Variants in ABCA6 observed in about 807,000 individuals in gnomAD.
ABCA6 encodes the protein ATP-binding cassette sub-family A member 6.
Under a neutral mutation model 191.2 loss-of-function variants are expected in ABCA6, and 164 were observed. That is an observed-to-expected ratio of 0.86 (90% CI 0.76 to 0.98). The LOEUF (loss-of-function observed/expected upper bound fraction) is 0.98. Among genes scored for constraint, ABCA6 ranks in the 50% least tolerant of loss-of-function variants. The pLI, the probability that ABCA6 is intolerant of heterozygous loss-of-function variation, is 0.00. For synonymous variants in ABCA6, 636 were observed against 647.7 expected (o/e 0.98, Z 0.27); for missense variants, 1,958 against 1,894.1 (o/e 1.03, Z -0.63).
rs758285437 is a variant in ABCA6, at chr17:69,140,589, G to A, written c.96+19C>T. ...TGTAAGAGTGCTAACCGTGGAAAGA[G>A]ACAAATTTTTAAACATACCAATAAG... On this transcript the variant is annotated intron_variant, in intron 2 of 38. Transcript: ENST00000284425. 3.9e-6 allele frequency: 6 copies of A among 1,552,112 alleles called. No individual in the cohort carries two copies. The highest frequency in any genetic ancestry group is 3.7e-5 in the Admixed American group (2 of 53,528).
At chr17:69,130,288 G>A (rs543557437) in intron 6 of ABCA6, among the ~76,000 whole-genome samples, 1 of 151,666 alleles carries the variant, frequency 6.6e-6, no homozygotes, top group African/African-American at 2.4e-5. Context: ...CTGCGCTCCA[G>A]TCTGGGTGAC....
intron 2 of ABCA6, 133 bp downstream of exon 2, chr17:69,140,475 C>A (rs556338433): frequency 2.3e-6 from 1 of 440,444 alleles, no homozygotes; most frequent in Non-Finnish European, 3.9e-6. Flanking sequence ...CTCAATTCAA[C>A]AAATACAACT....
chr17:69,106,172 A>C lies in ABCA6; in HGVS notation c.2429T>G (p.Leu810Arg), dbSNP rs1302227132. ...AGAGTGAGCCAGCTCCATTTCATTG[A>C]GGCTTTCTGAGTCTCTTATCATCTC... ...QVEMIRDSES[L>R]NEMELAHSSF... The change falls in exon 19 of 39, where the codon CTC (leucine) becomes CGC (arginine). Residue 810 changes from leucine (L) to arginine (R), a missense_variant. Leu to Arg is a moderately radical substitution (Grantham distance 102). Coordinates refer to ENST00000284425, the MANE Select transcript of ABCA6 (RefSeq NM_080284.3). 7 of 1,613,522 alleles carry C rather than the reference A, an allele frequency of 4.3e-6. No individual in the cohort carries two copies. Among genetic ancestry groups the C allele is most frequent in the Non-Finnish European group, 5.9e-6 (7 of 1,179,726 alleles).
intron 10 of ABCA6, among the ~76,000 whole-genome samples, chr17:69,121,856 T>C (rs532631095): frequency 6.6e-6 from 1 of 152,042 alleles, no homozygotes; most frequent in Non-Finnish European, 1.5e-5. Context: ...CACTTGGCCT[T>C]TCTTGTTTGG....
At chr17:69,119,212 T>A (rs749180564) in intron 10 of ABCA6, among the ~76,000 whole-genome samples, 8 of 152,100 alleles carry the variant, frequency 5.3e-5, no homozygotes, top group South Asian at 2.1e-4. Flanking sequence ...TTAACTGCTC[T>A]AAAACTGCAT....
chr17:69,119,539 C>T (rs1159110458), intron 10 of ABCA6, among the ~76,000 whole-genome samples: 2 of 152,014 alleles, frequency 1.3e-5, no homozygotes, highest in African/African-American at 4.8e-5. Flanking sequence ...TACTCCTCAA[C>T]GTTCCTCATC....
chr17:69,137,743 C>T (rs770493446), intron 2 of ABCA6, among the ~76,000 whole-genome samples: 10 of 152,036 alleles, frequency 6.6e-5, no homozygotes, highest in East Asian at 5.8e-4. Context: ...CTGCAGAAGC[C>T]GTCATAGAAA....
intron 36 of ABCA6, among the ~76,000 whole-genome samples, chr17:69,082,231 T>C (rs1222186967): frequency 6.6e-6 from 1 of 152,104 alleles, no homozygotes; most frequent in Non-Finnish European, 1.5e-5. Context: ...AGCTTTTATG[T>C]CCTATTTTTT....
intron 23 of ABCA6, among the ~76,000 whole-genome samples, chr17:69,097,532 C>G (rs575964428): frequency 1.7e-4 from 26 of 152,098 alleles, no homozygotes; most frequent in African/African-American, 6.3e-4. Flanking sequence ...TGGGCATAAT[C>G]GAATACAAAT....
At chr17:69,140,083 A>G (rs1384030592) in intron 2 of ABCA6, among the ~76,000 whole-genome samples, 2 of 151,970 alleles carry the variant, frequency 1.3e-5, no homozygotes, top group Non-Finnish European at 2.9e-5. Context: ...TGTACCCTAA[A>G]ACTTAAAGTA....
Position 69,114,855 on chromosome 17 carries a change from T to C in ABCA6, c.1689A>G (p.Gln563=). The C allele has an allele frequency of 6.2e-7, 1 of 1,612,800 alleles. No homozygotes were observed. The highest frequency in any genetic ancestry group is 1.1e-5 in the South Asian group (1 of 91,022). ...EIRKITGVCP[Q]FNVQFDILTV... ...TGAGTATGTCAAATTGAACATTGAA[T>C]TGAGGACAGACGCCAGTTATCTTTC... is the stretch of plus-strand genomic sequence containing the variant. The change falls in exon 13 of 39, where the codon CAA becomes CAG. Residue 563 remains glutamine (Q), a synonymous_variant. Coordinates refer to ENST00000284425, the MANE Select transcript of ABCA6 (RefSeq NM_080284.3).
At chr17:69,085,218 C>A in intron 31 of ABCA6, 36 bp from the exon 32 acceptor site, 1 of 1,569,168 alleles carries the variant, frequency 6.4e-7, no homozygotes, top group Non-Finnish European at 8.6e-7. Context: ...AGGCATGCAG[C>A]CTTTATTCCA....
In ABCA6 at chr17:69,129,670, A is replaced by G; in HGVS notation, c.873T>C (p.Ile291=). 2 of 1,603,676 alleles carry G rather than the reference A, an allele frequency of 1.2e-6. No individual in the cohort carries two copies. The highest frequency in any genetic ancestry group is 1.7e-6 in the Non-Finnish European group (2 of 1,171,382). Reference sequence around the variant, plus strand: ...TGACCATGAAGCCAGTCATGACTATAATTTGGGTGAATGTTATGATAATTG... The same window carrying G: ...TGACCATGAAGCCAGTCATGACTATGATTTGGGTGAATGTTATGATAATTG... ...FVTIIITFTQ[I]IVMTGFMVIF... Residue 291 remains isoleucine, a synonymous_variant, in exon 7 of 39, where the codon ATT becomes ATC. Transcript: ENST00000284425.
chr17:69,118,186 C>G (rs2144683917), intron 10 of ABCA6, among the ~76,000 whole-genome samples: 1 of 152,118 alleles, frequency 6.6e-6, no homozygotes, highest in Non-Finnish European at 1.5e-5. Context: ...TAGTATTTTG[C>G]CTAGAAAAGT....
intron 18 of ABCA6, 66 bp from the exon 19 acceptor site, chr17:69,106,277 A>G: frequency 2.1e-6 from 3 of 1,424,308 alleles, no homozygotes; most frequent in Non-Finnish European, 2.8e-6. Flanking sequence ...GGCATCACAG[A>G]TTTTCCTTAG....
chr17:69,085,744 TTGGAAG>T, intron 30 of ABCA6, 28 bp from the exon 31 acceptor site: 4 of 1,479,284 alleles, frequency 2.7e-6, no homozygotes, highest in Non-Finnish European at 3.8e-6. Flanking sequence ...ACTATCAATA[TTGGAAG>T]TGAAATACTG....
intron 3 of ABCA6, among the ~76,000 whole-genome samples, 200 bp from the exon 4 acceptor site, chr17:69,136,450 A>C (rs1045870048): frequency 1.3e-5 from 2 of 152,224 alleles, no homozygotes; most frequent in African/African-American, 4.8e-5. Context: ...CATAAGAATT[A>C]CATGTTTTAT....
At chr17:69,098,895 A>C (rs746381330) in intron 22 of ABCA6, among the ~76,000 whole-genome samples, 2 of 152,174 alleles carry the variant, frequency 1.3e-5, no homozygotes, top group Non-Finnish European at 2.9e-5. Flanking sequence ...AATATACTTA[A>C]TACTACTCAA....
Position 69,135,987 on chromosome 17 carries a change from T to C in ABCA6, c.460+105A>G, listed in dbSNP as rs764094522. The stretch of plus-strand genomic sequence containing the variant: ...GTTCAGCAATGAAATGGGCTTTCCC[T>C]GTTTTCTCATGTGTCATTGAAAGCA... On this transcript the variant is annotated intron_variant, in intron 4 of 38. Coordinates refer to ENST00000284425, the MANE Select transcript of ABCA6 (RefSeq NM_080284.3). 25 of 1,093,744 alleles carry C rather than the reference T, an allele frequency of 2.3e-5. No individual in the cohort carries two copies. In the African/African-American group the frequency reaches 3.6e-4, roughly 16 times the overall value. The allele number at this position is 1,093,744 out of a possible 1,614,324, so 67.8% of individuals were successfully genotyped here.
Sources: allele counts gnomAD v4.1 joint callset (sites outside exome capture counted in the v4.1 genomes callset), GRCh38; gene constraint gnomAD v4.1.1; transcripts MANE v1.5; gene names NCBI Gene and HGNC (gene_info 2026-07-23, HGNC 2026-07-21).